The following GSE1 variants were observed in gnomAD, a reference collection of about 807,000 sequenced individuals.
GSE1 encodes Gse1 coiled-coil protein.
In GSE1, 32 loss-of-function variants were observed where a neutral mutation model predicts 112.6. That is an observed-to-expected ratio of 0.28 (90% CI 0.21 to 0.38). The LOEUF is 0.38. GSE1 is among the 10% of genes least tolerant of loss of function. The pLI is 1.00. For missense variants in GSE1, 2,348 were observed against 1,699.2 expected (o/e 1.38, Z -6.71); for synonymous variants, 1,115 against 735.6 (o/e 1.52, Z -8.35).
chr16:85,281,120 A>G lies in GSE1; in HGVS notation c.2284-76343A>G, dbSNP rs567670236. On this transcript the variant is annotated intron_variant, in intron 1 of 2. Coordinates refer to the GSE1 transcript ENST00000637419. ...CAAGAAGCAAATGAACCCACGATGC[A>G]AACGGCCTCTCTCAGCATCACCTCC... Among the ~76,000 whole-genome samples, 124 of 152,322 alleles carry G rather than the reference A, an allele frequency of 8.1e-4. 1 individual carries two copies. Among genetic ancestry groups the G allele is most frequent in the Non-Finnish European group, 1.3e-3 (88 of 68,020 alleles).
At chr16:85,652,435 C>T (rs536161197) in intron 3 of GSE1, among the ~76,000 whole-genome samples, 3 of 152,228 alleles carry the variant, frequency 2.0e-5, no homozygotes, top group African/African-American at 7.2e-5. Flanking sequence ...GAGACCAGCA[C>T]CCTGGAGAGG....
rs1215984513 is a variant in GSE1 at position 85,651,005 on chromosome 16, T to C, written c.426+2254T>C. On this transcript the variant is annotated intron_variant, in intron 3 of 15. Transcript: ENST00000253458. ...TCTGACTATGGAACCCTTGCTCTAA[T>C]CACCGGAGAATGACGGATTTGCTCC... Among the ~76,000 whole-genome samples, 4 of 150,306 alleles carry C rather than the reference T, an allele frequency of 2.7e-5. No individual in the cohort carries two copies. The East Asian group carries it at 8.0e-4, about 30-fold the overall frequency.
At position 85,672,650 on chromosome 16, in the gene GSE1, G is replaced by C; in HGVS notation, c.*111G>C. 1.4e-6 allele frequency: 1 copy of C among 736,544 alleles called. No individual in the cohort carries two copies. The highest frequency in any genetic ancestry group is 2.0e-6 in the Non-Finnish European group (1 of 491,826). The allele number at this position is 736,544 out of a possible 1,614,324, so 45.6% of individuals were successfully genotyped here. On this transcript the variant is annotated 3_prime_UTR_variant, in exon 16 of 16. Coordinates refer to ENST00000253458, the MANE Select transcript of GSE1 (RefSeq NM_014615.5). ...GGTTTGAAGCTTACAAAATGAGAATGTGCCATGCATGAAGCAAAGGATTCC... is the reference window on the plus strand; with the variant it reads ...GGTTTGAAGCTTACAAAATGAGAATCTGCCATGCATGAAGCAAAGGATTCC...
chr16:85,241,983 C>T (rs1166137256), intron 1 of GSE1, among the ~76,000 whole-genome samples: 1 of 152,132 alleles, frequency 6.6e-6, no homozygotes, highest in East Asian at 1.9e-4. Context: ...GCTGTCTGCA[C>T]CTGGGGTCAG....
chr16:85,337,153 C>T (rs1397307234), intron 1 of GSE1, among the ~76,000 whole-genome samples: 1 of 152,208 alleles, frequency 6.6e-6, no homozygotes, highest in Non-Finnish European at 1.5e-5. Context: ...GCCACTGTGT[C>T]CCCCATCACA....
intron 1 of GSE1, among the ~76,000 whole-genome samples, chr16:85,256,197 G>C (rs987076362): frequency 3.3e-5 from 5 of 152,078 alleles, no homozygotes; most frequent in Admixed American, 6.5e-5. Flanking sequence ...AGGCAGACTC[G>C]GACAGCACCG....
At chr16:85,250,092 G>T (rs907151343) in intron 1 of GSE1, among the ~76,000 whole-genome samples, 3 of 152,232 alleles carry the variant, frequency 2.0e-5, no homozygotes, top group African/African-American at 7.2e-5. Context: ...GTCTGCGGCG[G>T]CCTCGGCAGC....
intron 1 of GSE1, among the ~76,000 whole-genome samples, chr16:85,318,632 A>T (rs1036367172): frequency 6.6e-6 from 1 of 152,182 alleles, no homozygotes; most frequent in Non-Finnish European, 1.5e-5. Context: ...AGCACCTGGA[A>T]CAGTGGTGGT....
At position 85,233,477 on chromosome 16, in the gene GSE1, T is replaced by G. The variant is rs371583259; in HGVS notation, c.2283+61670T>G. On this transcript the variant is annotated intron_variant, in intron 1 of 2. Transcript: ENST00000637419. ...TTCTCTCCTCCTGAGGGGTGGGAAC[T>G]GCTCTGACAGCTGCATATGCACACA... 1.7e-3 allele frequency among the ~76,000 whole-genome samples: 262 copies of G among 152,368 alleles called. 1 individual carries two copies. In the South Asian group the frequency reaches 0.019, roughly 11 times the overall value.
intron 1 of GSE1, among the ~76,000 whole-genome samples, chr16:85,287,631 A>C (rs1017235472): frequency 4.6e-5 from 7 of 151,178 alleles, no homozygotes; most frequent in African/African-American, 1.7e-4. Context: ...CGGCCTTTCC[A>C]TATTGGTCAC....
rs114150421 is a variant in GSE1, at chr16:85,308,886, G to A, written c.2284-48577G>A. On this transcript the variant is annotated intron_variant, in intron 1 of 2. Transcript: ENST00000637419. ...TCCCAGCTTGGGACTGTGCTATCTC[G>A]GATGACGTGACAGCGACAAGCCATT... Among the ~76,000 whole-genome samples, 662 of 147,280 alleles carry A rather than the reference G, an allele frequency of 4.5e-3. 4 individuals are homozygous for A. The highest frequency in any genetic ancestry group is 0.016 in the African/African-American group (619 of 39,496).
intron 1 of GSE1, among the ~76,000 whole-genome samples, chr16:85,303,753 A>G (rs534517895): frequency 1.3e-5 from 2 of 152,230 alleles, no homozygotes; most frequent in African/African-American, 4.8e-5. Flanking sequence ...CACCTGGGAA[A>G]GCGGCTGCGG....
chr16:85,314,283 T>C (rs542172755), intron 1 of GSE1, among the ~76,000 whole-genome samples: 3 of 152,172 alleles, frequency 2.0e-5, no homozygotes, highest in East Asian at 1.9e-4. Context: ...CTCGCCAAAA[T>C]AGGGGGACGT....
chr16:85,611,590 G>A, upstream of GSE1: 1 of 608,344 alleles, frequency 1.6e-6, no homozygotes, highest in Non-Finnish European at 2.1e-6. Flanking sequence ...TTCGTTTGTG[G>A]TCTGCCCGGA....
chr16:85,500,078 C>T (rs756409521), intron 2 of GSE1, among the ~76,000 whole-genome samples: 3 of 152,222 alleles, frequency 2.0e-5, no homozygotes, highest in African/African-American at 4.8e-5. Flanking sequence ...CACCCCACCA[C>T]GGAGCAGTGG....
chr16:85,516,021 G>A (rs1252986365), intron 2 of GSE1, among the ~76,000 whole-genome samples: 1 of 152,130 alleles, frequency 6.6e-6, no homozygotes, highest in Non-Finnish European at 1.5e-5. Flanking sequence ...AAATGCCAGT[G>A]CCTGGCAGCA....
chr16:85,527,999 G>A (rs969228813), intron 2 of GSE1, among the ~76,000 whole-genome samples: 11 of 152,236 alleles, frequency 7.2e-5, no homozygotes, highest in Non-Finnish European at 1.3e-4. Flanking sequence ...AGCAGTTCAC[G>A]GCAGAGGGAG....
chr16:85,494,903 T>A (rs1046185687), intron 2 of GSE1, among the ~76,000 whole-genome samples: 1 of 152,134 alleles, frequency 6.6e-6, no homozygotes, highest in Admixed American at 6.6e-5. Context: ...TGCCGGGCCC[T>A]GTCCCCTGCC....
intron 2 of GSE1, among the ~76,000 whole-genome samples, chr16:85,533,369 G>A (rs991777134): frequency 3.3e-5 from 5 of 151,988 alleles, no homozygotes; most frequent in African/African-American, 9.7e-5. Flanking sequence ...GCAATGAGCC[G>A]AGATCGCACC....
Sources: allele counts gnomAD v4.1 joint callset (sites outside exome capture counted in the v4.1 genomes callset), GRCh38; gene constraint gnomAD v4.1.1; transcripts MANE v1.5; gene names NCBI Gene and HGNC (gene_info 2026-07-23, HGNC 2026-07-21).